IQSEC1: variants seen among roughly 807,000 people sequenced by gnomAD.
IQSEC1 encodes the protein IQ motif and SEC7 domain-containing protein 1.
In IQSEC1, 31 loss-of-function variants were observed where a neutral mutation model predicts 91.0. The ratio of observed to expected loss-of-function variants is 0.34; its 90% CI spans 0.26 to 0.46. The LOEUF (loss-of-function observed/expected upper bound fraction) is 0.46, where lower values mean the gene tolerates loss of function less well. IQSEC1 is among the 20% of genes least tolerant of loss of function. The pLI is 1.00. For synonymous variants in IQSEC1, 699 were observed against 662.6 expected, an observed-to-expected ratio of 1.05 and a Z score of -0.84; for missense variants, 1,388 against 1,575.6, an observed-to-expected ratio of 0.88 and a Z score of 2.02.
intron 1 of IQSEC1, among the ~76,000 whole-genome samples, chr3:13,269,943 AC>A (rs1027925472): frequency 2.0e-5 from 3 of 152,220 alleles, no homozygotes; most frequent in Non-Finnish European, 2.9e-5. Flanking sequence ...AGGTCCAATC[AC>A]AAGAAGCCTC....
chr3:12,950,487 C>T (rs1342685186), intron 1 of IQSEC1, among the ~76,000 whole-genome samples: 1 of 152,078 alleles, frequency 6.6e-6, no homozygotes, highest in Non-Finnish European at 1.5e-5. Context: ...AGAAACGTAG[C>T]AAGACCCTGT....
chr3:13,194,861 C>T (rs774084448), intron 1 of IQSEC1, among the ~76,000 whole-genome samples: 2 of 152,092 alleles, frequency 1.3e-5, no homozygotes, highest in Admixed American at 6.5e-5. Flanking sequence ...AGTGGATCAT[C>T]GGCTTAAATG....
At position 12,936,404 on chromosome 3, in the gene IQSEC1, G is replaced by A. The variant is rs768562160; in HGVS notation, c.612C>T (p.Ser204=). 10 of 1,594,102 alleles carry A rather than the reference G, an allele frequency of 6.3e-6. No homozygotes were observed. The highest frequency in any genetic ancestry group is 2.2e-5 in the East Asian group (1 of 44,572). ...ALVSPECGDL[S]EPTTLKSPAP... ...CCGGAGACTTGAGGGTGGTGGGCTC[G>A]CTGAGGTCACCACACTCAGGGGACA... Residue 204 remains serine, a synonymous_variant, in exon 3 of 14, where the codon AGC becomes AGT. Coordinates refer to ENST00000613206, the MANE Select transcript of IQSEC1 (RefSeq NM_001134382.3).
At chr3:13,080,721 T>C (rs1705635285) in intron 2 of IQSEC1, among the ~76,000 whole-genome samples, 1 of 152,058 alleles carries the variant, frequency 6.6e-6, no homozygotes, top group Non-Finnish European at 1.5e-5. Context: ...GTGCGCTCCC[T>C]CCCTGCCTCA....
chr3:13,057,663 G>C (rs1704925087), intron 1 of IQSEC1, among the ~76,000 whole-genome samples: 1 of 152,238 alleles, frequency 6.6e-6, no homozygotes, highest in African/African-American at 2.4e-5. Flanking sequence ...ATTAGGCTAG[G>C]ATGGGGCCCC....
intron 1 of IQSEC1, among the ~76,000 whole-genome samples, chr3:13,260,676 C>T (rs953113406): frequency 6.6e-6 from 1 of 152,242 alleles, no homozygotes; most frequent in Non-Finnish European, 1.5e-5. Context: ...CTGTGCCAGA[C>T]ACTATGCAGG....
At chr3:12,999,430 G>A (rs1292822865) in intron 1 of IQSEC1, among the ~76,000 whole-genome samples, 1 of 152,134 alleles carries the variant, frequency 6.6e-6, no homozygotes, top group Admixed American at 6.5e-5. Flanking sequence ...CATTCCCAGT[G>A]CCCTGCCTGG....
In IQSEC1 at chr3:13,169,924, A is replaced by G. The variant is rs186451760; in HGVS notation, c.273-5791T>C. Among the ~76,000 whole-genome samples the G allele has an allele frequency of 2.3e-3, 346 of 152,336 alleles. 4 individuals carry two copies. The highest frequency in any genetic ancestry group is 0.01 in the Middle Eastern group (3 of 294). On this transcript the variant is annotated intron_variant, in intron 1 of 15. Coordinates refer to the IQSEC1 transcript ENST00000648114. ...ACAATGAGATAGAAAAGAAAAACCC[A>G]TTTTCTGAGGAGAAATTCAAGCTGG...
intron 2 of IQSEC1, among the ~76,000 whole-genome samples, chr3:13,161,907 C>T (rs1442504877): frequency 6.6e-6 from 1 of 152,218 alleles, no homozygotes; most frequent in South Asian, 2.1e-4. Context: ...AGAGGCCATT[C>T]CTCATTCTCC....
intron 1 of IQSEC1, among the ~76,000 whole-genome samples, chr3:13,275,765 A>G (rs1275237917): frequency 6.6e-6 from 1 of 152,140 alleles, no homozygotes; most frequent in Non-Finnish European, 1.5e-5. Context: ...TTCCAAGTGG[A>G]GGCAGTGGGG....
chr3:13,079,204 G>C (rs535161107), intron 2 of IQSEC1, among the ~76,000 whole-genome samples: 1 of 152,316 alleles, frequency 6.6e-6, no homozygotes, highest in East Asian at 1.9e-4. Flanking sequence ...CGGAGGGACC[G>C]GCAAGCATAG....
chr3:13,083,758 G>C (rs140696229), intron 2 of IQSEC1, among the ~76,000 whole-genome samples: 3 of 152,268 alleles, frequency 2.0e-5, no homozygotes, highest in Non-Finnish European at 4.4e-5. Context: ...TAGCTGGGAC[G>C]GCACCTGGCA....
At chr3:12,915,473 A>C (rs1210541463) in intron 7 of IQSEC1, 121 bp downstream of exon 7, 1 of 1,105,006 alleles carries the variant, frequency 9.0e-7, no homozygotes, top group Non-Finnish European at 1.3e-6. Context: ...GCCCTGGCAG[A>C]ATTCACCAGC....
At chr3:13,052,365 C>T (rs555084391) in intron 1 of IQSEC1, among the ~76,000 whole-genome samples, 2 of 152,360 alleles carry the variant, frequency 1.3e-5, no homozygotes, top group African/African-American at 4.8e-5. Flanking sequence ...AGCCACTCTT[C>T]GGCGTGGAGG....
chr3:13,258,996 C>T (rs944227331), intron 1 of IQSEC1, among the ~76,000 whole-genome samples: 3 of 152,082 alleles, frequency 2.0e-5, no homozygotes, highest in African/African-American at 7.2e-5. Flanking sequence ...ATCATCTTTC[C>T]CCTGGGCCTC....
intron 1 of IQSEC1, among the ~76,000 whole-genome samples, chr3:13,212,823 A>T (rs1490943750): frequency 6.6e-6 from 1 of 152,178 alleles, no homozygotes; most frequent in Non-Finnish European, 1.5e-5. Context: ...TCTTGTCTGG[A>T]CACATGTCTA....
intron 1 of IQSEC1, among the ~76,000 whole-genome samples, chr3:13,263,248 CAAACAAAACA>C (rs72372132): frequency 3.3e-5 from 5 of 150,980 alleles, no homozygotes; most frequent in African/African-American, 4.9e-5. Flanking sequence ...GACCCTGTCT[CAAACAAAACA>C]AAACAAAACA....
chr3:13,049,339 C>A (rs940825251), intron 1 of IQSEC1, among the ~76,000 whole-genome samples: 1 of 152,334 alleles, frequency 6.6e-6, no homozygotes, highest in African/African-American at 2.4e-5. Context: ...GGCTGCCCTG[C>A]CACAGCCATA....
chr3:12,920,645 C>T (rs369935644), intron 5 of IQSEC1, 49 bp from the exon 6 acceptor site: 18 of 1,577,040 alleles, frequency 1.1e-5, no homozygotes, highest in African/African-American at 6.7e-5. Context: ...GCAAGTGACA[C>T]GGCCCCTCTC....
Sources: allele counts gnomAD v4.1 joint callset (sites outside exome capture counted in the v4.1 genomes callset), GRCh38; gene constraint gnomAD v4.1.1; transcripts MANE v1.5; gene names NCBI Gene and HGNC (gene_info 2026-07-23, HGNC 2026-07-21).